Variants in FHOD3 observed in about 807,000 individuals in gnomAD.
FHOD3 encodes the protein FH1/FH2 domain-containing protein 3.
A neutral mutation model predicts 173.0 loss-of-function variants in FHOD3; 90 were observed. That is an observed-to-expected ratio of 0.52 (90% CI 0.44 to 0.62). FHOD3 has a LOEUF of 0.62. FHOD3 is among the 20% of genes least tolerant of loss of function. FHOD3 has a pLI of 0.00. For missense variants in FHOD3, 1,945 were observed against 2,034.7 expected, an observed-to-expected ratio of 0.96 and a Z score of 0.85; for synonymous variants, 828 against 823.0, an observed-to-expected ratio of 1.01 and a Z score of -0.10.
At chr18:36,748,071 CT>C (rs1424553445) in intron 24 of FHOD3, among the ~76,000 whole-genome samples, 2 of 152,162 alleles carry the variant, frequency 1.3e-5, no homozygotes, top group Non-Finnish European at 2.9e-5. Flanking sequence ...ATTCAGACCA[CT>C]GAGAAAATGG....
chr18:36,310,081 G>GAAGGATGTGTGTTGACACCCAAAGAAGT (rs1489312008), intron 1 of FHOD3, among the ~76,000 whole-genome samples: 1 of 152,238 alleles, frequency 6.6e-6, no homozygotes. Flanking sequence ...AGATAAACCT[G>GAAGGATGTGTGTTGACACCCAAAGAAGT]AAGGATGTGT....
At chr18:36,773,908 A>G (rs1315204028) in intron 28 of FHOD3, among the ~76,000 whole-genome samples, 3 of 152,202 alleles carry the variant, frequency 2.0e-5, no homozygotes, top group Non-Finnish European at 4.4e-5. Context: ...GCACTTGGCT[A>G]GCATTGTTGA....
intron 10 of FHOD3, among the ~76,000 whole-genome samples, chr18:36,638,909 G>A (rs1054271401): frequency 5.9e-5 from 9 of 152,162 alleles, no homozygotes; most frequent in Non-Finnish European, 1.0e-4. Context: ...ACACACATGA[G>A]ATTAGTCATT....
chr18:36,643,405 T>C (rs1182622675), intron 10 of FHOD3, among the ~76,000 whole-genome samples: 1 of 152,052 alleles, frequency 6.6e-6, no homozygotes. Context: ...CAACTAAAAA[T>C]GTCTCCAGAT....
chr18:36,468,650 T>C (rs2053095483), intron 3 of FHOD3, among the ~76,000 whole-genome samples: 1 of 152,064 alleles, frequency 6.6e-6, no homozygotes, highest in Non-Finnish European at 1.5e-5. Flanking sequence ...CCCCTAGTAC[T>C]TTAGAGGGGG....
chr18:36,365,929 G>A lies in FHOD3; in HGVS notation c.273-6751G>A, dbSNP rs2046877335. 2.0e-5 allele frequency among the ~76,000 whole-genome samples: 3 copies of A among 152,276 alleles called. No individual in the cohort carries two copies. The South Asian group carries it at 6.2e-4, about 32-fold the overall frequency. On this transcript the variant is annotated intron_variant, in intron 2 of 28. Coordinates refer to ENST00000590592, the MANE Select transcript of FHOD3 (RefSeq NM_001281740.3). The stretch of plus-strand genomic sequence containing the variant: ...GAGAAGGTATCTAGAGAGTTGACCT[G>A]TTTTGGTAGGTCCCTTTTCCCCAAG...
At chr18:36,519,437 G>A (rs16967921) in intron 5 of FHOD3, among the ~76,000 whole-genome samples, 2,613 of 152,252 alleles carry the variant, frequency 0.017, 69 homozygotes, top group African/African-American at 0.06. Flanking sequence ...CTCAGGGCTC[G>A]GGGACTCTCT....
intron 3 of FHOD3, among the ~76,000 whole-genome samples, chr18:36,432,246 A>G (rs1173088249): frequency 6.6e-6 from 1 of 152,218 alleles, no homozygotes; most frequent in Non-Finnish European, 1.5e-5. Flanking sequence ...TCTACTATAC[A>G]AAGAGTCCAC....
At chr18:36,535,095 T>C (rs1010656531) in intron 5 of FHOD3, among the ~76,000 whole-genome samples, 2 of 152,204 alleles carry the variant, frequency 1.3e-5, no homozygotes, top group African/African-American at 4.8e-5. Context: ...TTAAAAATAT[T>C]GCTGTTATCA....
intron 3 of FHOD3, among the ~76,000 whole-genome samples, chr18:36,480,740 G>A (rs1244197599): frequency 1.3e-5 from 2 of 152,210 alleles, no homozygotes; most frequent in African/African-American, 4.8e-5. Flanking sequence ...TGGTGCAGTA[G>A]AATAGACCAA....
chr18:36,707,524 C>T (rs1466490875), intron 17 of FHOD3, among the ~76,000 whole-genome samples: 1 of 152,230 alleles, frequency 6.6e-6, no homozygotes, highest in Non-Finnish European at 1.5e-5. Flanking sequence ...CCAGCTAACT[C>T]CCTGACTCAT....
intron 14 of FHOD3, among the ~76,000 whole-genome samples, chr18:36,680,715 C>T (rs2038178863): frequency 6.6e-6 from 1 of 152,202 alleles, no homozygotes; most frequent in African/African-American, 2.4e-5. Context: ...TTTGACCATG[C>T]TGAGTCCTTG....
rs1489589772 is a variant in FHOD3, at chr18:36,337,957, A to G, written c.166-17582A>G. Among the ~76,000 whole-genome samples, 4 of 152,324 alleles carry G rather than the reference A, an allele frequency of 2.6e-5. No homozygotes were observed. In the South Asian group the frequency reaches 8.3e-4, roughly 32 times the overall value. ...CTGGGACTCTGAGGATCTTAAAGGC[A>G]GCACAGCCCTCAACAAGTAGAGGTG... On this transcript the variant is annotated intron_variant, in intron 1 of 28. Coordinates refer to ENST00000590592, the MANE Select transcript of FHOD3 (RefSeq NM_001281740.3).
chr18:36,575,377 T>C (rs542145810), intron 5 of FHOD3, among the ~76,000 whole-genome samples: 5 of 152,374 alleles, frequency 3.3e-5, no homozygotes, highest in Admixed American at 2.0e-4. Flanking sequence ...TCTGTTTTGC[T>C]CTTTCTAATC....
chr18:36,384,236 C>T (rs1044876499), intron 3 of FHOD3, among the ~76,000 whole-genome samples: 8 of 151,886 alleles, frequency 5.3e-5, no homozygotes, highest in Admixed American at 3.3e-4. Flanking sequence ...AAAAATTAGC[C>T]GGGCGTGGTG....
At chr18:36,650,701 A>G (rs934239334) in intron 11 of FHOD3, among the ~76,000 whole-genome samples, 4 of 152,194 alleles carry the variant, frequency 2.6e-5, no homozygotes, top group African/African-American at 7.2e-5. Context: ...TGAAAGGTGC[A>G]TGTTCTGCCC....
At chr18:36,468,789 C>T (rs2053104488) in intron 3 of FHOD3, among the ~76,000 whole-genome samples, 1 of 152,172 alleles carries the variant, frequency 6.6e-6, no homozygotes, top group Non-Finnish European at 1.5e-5. Flanking sequence ...CTGTGGCTGC[C>T]ACCTTGTGAG....
chr18:36,576,134 C>CTG (rs1250410330), intron 5 of FHOD3, among the ~76,000 whole-genome samples: 1 of 152,174 alleles, frequency 6.6e-6, no homozygotes, highest in African/African-American at 2.4e-5. Flanking sequence ...TATCTTTGTC[C>CTG]TGTCTGGGAC....
chr18:36,331,885 G>C (rs535449016), intron 1 of FHOD3, among the ~76,000 whole-genome samples: 1 of 152,300 alleles, frequency 6.6e-6, no homozygotes, highest in Non-Finnish European at 1.5e-5. Flanking sequence ...CAGGGGATGA[G>C]TGAGCAGAGG....
Sources: allele counts gnomAD v4.1 joint callset (sites outside exome capture counted in the v4.1 genomes callset), GRCh38; gene constraint gnomAD v4.1.1; transcripts MANE v1.5; gene names NCBI Gene and HGNC (gene_info 2026-07-23, HGNC 2026-07-21).